The following AKAP13 variants were observed in gnomAD, a reference collection of about 807,000 sequenced individuals.
The protein encoded by AKAP13 is A-kinase anchoring protein 13, also known as A-kinase anchor protein 13.
A neutral mutation model predicts 264.5 loss-of-function variants in AKAP13; 80 were observed. The ratio of observed to expected loss-of-function variants is 0.30; its 90% confidence interval spans 0.25 to 0.36. AKAP13 has a LOEUF of 0.36. AKAP13 is among the 10% of genes least tolerant of loss of function. AKAP13 has a pLI of 1.00. For synonymous variants in AKAP13, 1,380 were observed against 1,250.2 expected (o/e 1.10, Z -2.19); for missense variants, 3,712 against 3,435.2 (o/e 1.08, Z -2.01).
At chr15:85,390,525 G>A (rs2070804565) in intron 1 of AKAP13, among the ~76,000 whole-genome samples, 1 of 152,178 alleles carries the variant, frequency 6.6e-6, no homozygotes, top group African/African-American at 2.4e-5. Flanking sequence ...GATCAAATAG[G>A]CTCTTAGGTA....
chr15:85,576,321 G>A (rs1264854267), intron 6 of AKAP13, among the ~76,000 whole-genome samples: 3 of 152,044 alleles, frequency 2.0e-5, no homozygotes, highest in East Asian at 1.9e-4. Flanking sequence ...TTTTAGTGGC[G>A]ATGATATGTA....
At chr15:85,596,631 A>G (rs1175396610) in intron 8 of AKAP13, among the ~76,000 whole-genome samples, 1 of 152,146 alleles carries the variant, frequency 6.6e-6, no homozygotes, top group Non-Finnish European at 1.5e-5. Flanking sequence ...ATTTGGGGTT[A>G]TGGAGGTATA....
intron 1 of AKAP13, among the ~76,000 whole-genome samples, chr15:85,470,663 T>C (rs1412391119): frequency 2.0e-5 from 3 of 152,238 alleles, no homozygotes; most frequent in African/African-American, 4.8e-5. Flanking sequence ...TTGCCTTTCA[T>C]TTTGTAACTT....
At chr15:85,715,366 A>G (rs77640593) in intron 19 of AKAP13, among the ~76,000 whole-genome samples, 3,438 of 152,230 alleles carry the variant, frequency 0.023, 60 homozygotes, top group Non-Finnish European at 0.038. Flanking sequence ...GCTTTTACCA[A>G]TGGTGTTGCA....
chr15:85,646,291 A>G (rs2082557080), intron 10 of AKAP13, among the ~76,000 whole-genome samples: 1 of 152,156 alleles, frequency 6.6e-6, no homozygotes, highest in African/African-American at 2.4e-5. Flanking sequence ...CCTGGCCAAC[A>G]TGGTGAAACC....
intron 17 of AKAP13, among the ~76,000 whole-genome samples, chr15:85,700,955 A>G (rs1001359062): frequency 2.0e-5 from 3 of 152,208 alleles, no homozygotes; most frequent in Non-Finnish European, 2.9e-5. Flanking sequence ...TGCACCTCTG[A>G]CCTCACGTTT....
At chr15:85,601,778 A>G (rs2080089840) in intron 8 of AKAP13, among the ~76,000 whole-genome samples, 1 of 152,028 alleles carries the variant, frequency 6.6e-6, no homozygotes, top group Non-Finnish European at 1.5e-5. Context: ...TATATCTAGA[A>G]ATGTTTACTG....
intron 1 of AKAP13, among the ~76,000 whole-genome samples, chr15:85,443,064 T>G (rs1567060060): frequency 1.3e-5 from 2 of 152,158 alleles, no homozygotes; most frequent in Non-Finnish European, 2.9e-5. Context: ...GGGGAAAACT[T>G]AAGTATCATT....
In AKAP13 at chr15:85,741,155, A is replaced by G. The variant is rs1263625121; in HGVS notation, c.7718A>G (p.Lys2573Arg). The change falls in exon 35 of 37, where the codon AAG (lysine) becomes AGG (arginine). Residue 2573 changes from lysine (K) to arginine (R), a missense_variant. Physicochemically the swap from Lys to Arg is conservative, Grantham distance 26. This residue lies in a region of AKAP13 where 611 missense variants were observed against 539.3 expected (regional missense o/e 1.13). Coordinates refer to ENST00000394518, the MANE Select transcript of AKAP13 (RefSeq NM_007200.5). ...CCGAGCTCCCTCATTGAGCAGGAGA[A>G]GCAGCGCAGCCTGGAGAAGCAGCGC... ...SRPSSLIEQE[K>R]QRSLEKQRQD... The G allele has an allele frequency of 6.2e-7, 1 of 1,613,334 alleles. No homozygotes were observed. The highest frequency in any genetic ancestry group is 2.2e-5 in the East Asian group (1 of 44,854).
intron 10 of AKAP13, among the ~76,000 whole-genome samples, chr15:85,650,782 A>AAAAAAAAAC (rs1567175464): frequency 1.2e-4 from 18 of 145,172 alleles, no homozygotes; most frequent in East Asian, 2.0e-4. Context: ...AAAAAAAAAA[A>AAAAAAAAAC]AAAAAAAACA....
At chr15:85,468,616 A>G (rs2074841203) in intron 1 of AKAP13, among the ~76,000 whole-genome samples, 1 of 152,198 alleles carries the variant, frequency 6.6e-6, no homozygotes, top group Non-Finnish European at 1.5e-5. Context: ...TCTTTATCCA[A>G]GCAAAGCACA....
At chr15:85,682,504 G>A (rs2084652432) in intron 15 of AKAP13, among the ~76,000 whole-genome samples, 1 of 152,042 alleles carries the variant, frequency 6.6e-6, no homozygotes, top group Admixed American at 6.6e-5. Context: ...TTGCTTATGG[G>A]ATTTTTAATT....
chr15:85,595,344 C>T (rs937031812), intron 8 of AKAP13, among the ~76,000 whole-genome samples: 1 of 152,142 alleles, frequency 6.6e-6, no homozygotes, highest in African/African-American at 2.4e-5. Context: ...AGTGACCCTC[C>T]CACCTCAGCC....
intron 5 of AKAP13, among the ~76,000 whole-genome samples, chr15:85,558,196 C>A (rs371668762): frequency 6.6e-6 from 1 of 152,098 alleles, no homozygotes; most frequent in East Asian, 1.9e-4. Context: ...TTGTGCAGTG[C>A]TATTATGAGG....
intron 1 of AKAP13, among the ~76,000 whole-genome samples, chr15:85,381,443 C>G (rs1427178729): frequency 6.6e-6 from 1 of 151,068 alleles, no homozygotes; most frequent in African/African-American, 2.4e-5. Context: ...ACCCGTGCAG[C>G]CAGCCGGCTC....
Position 85,579,495 on chromosome 15 carries a change from C to T in AKAP13, c.1427C>T (p.Pro476Leu). The change falls in exon 7 of 37, where the codon CCA becomes CTA. Residue 476 changes from proline (P) to leucine (L), a missense_variant. This residue lies in a region of AKAP13 where 2,759 missense variants were observed against 2,411.7 expected (regional missense o/e 1.14). Transcript: ENST00000394518. The stretch of plus-strand genomic sequence containing the variant: ...ATTTCAACAACAAATGTCAGTACCC[C>T]AGACACTGCAGGGGAAATGGAACAT... Reference protein sequence around the residue: ...GGISTTNVSTPDTAGEMEHGL... With the variant: ...GGISTTNVSTLDTAGEMEHGL... The T allele has an allele frequency of 6.2e-7, 1 of 1,614,166 alleles. No individual in the cohort carries two copies. The highest frequency in any genetic ancestry group is 8.5e-7 in the Non-Finnish European group (1 of 1,180,032).
chr15:85,456,496 C>A lies in AKAP13; in HGVS notation c.-11-29214C>A, dbSNP rs186101773. On this transcript the variant is annotated intron_variant, in intron 1 of 36. Transcript: ENST00000394518. Reference sequence around the variant, plus strand: ...AATTTAATTTTATTTTTTTACTGTTCCTTGCAGAGCAGGGCTACCCCAAAG... The same window carrying A: ...AATTTAATTTTATTTTTTTACTGTTACTTGCAGAGCAGGGCTACCCCAAAG... 5.3e-5 allele frequency among the ~76,000 whole-genome samples: 8 copies of A among 150,862 alleles called. No homozygotes were observed. In the East Asian group the frequency reaches 1.6e-3, roughly 29 times the overall value.
chr15:85,479,486 C>T (rs1311775435), intron 1 of AKAP13, among the ~76,000 whole-genome samples: 2 of 152,184 alleles, frequency 1.3e-5, no homozygotes, highest in African/African-American at 4.8e-5. Context: ...AAGTACCCTG[C>T]AGGTAAAAAT....
At chr15:85,507,573 A>G (rs573841541) in intron 2 of AKAP13, among the ~76,000 whole-genome samples, 9 of 152,300 alleles carry the variant, frequency 5.9e-5, no homozygotes, top group African/African-American at 2.2e-4. Flanking sequence ...TTGTGTCTAG[A>G]AACCACAGCA....
Sources: allele counts gnomAD v4.1 joint callset (sites outside exome capture counted in the v4.1 genomes callset), GRCh38; gene constraint gnomAD v4.1.1; regional missense constraint gnomAD v4.1.1; transcripts MANE v1.5; gene names NCBI Gene and HGNC (gene_info 2026-07-23, HGNC 2026-07-21).